Variants in RSPO3 observed in about 807,000 individuals in gnomAD.
RSPO3 encodes R-spondin 3, also known as R-spondin-3.
Under a neutral mutation model 36.5 loss-of-function variants are expected in RSPO3, and 17 were observed. The ratio of observed to expected loss-of-function variants is 0.47; its 90% CI spans 0.32 to 0.70. RSPO3 has a LOEUF of 0.70. Among genes scored for constraint, RSPO3 ranks in the 30% least tolerant of loss-of-function variants. The pLI is 0.04. For synonymous variants in RSPO3, 108 were observed against 107.0 expected (o/e 1.01, Z -0.06); for missense variants, 294 against 322.5 (o/e 0.91, Z 0.68).
intron 1 of RSPO3, among the ~76,000 whole-genome samples, chr6:127,125,665 T>C (rs1283135768): frequency 6.6e-6 from 1 of 152,210 alleles, no homozygotes; most frequent in Non-Finnish European, 1.5e-5. Context: ...TAAGTAAATT[T>C]ATCACATAAA....
intron 4 of RSPO3, among the ~76,000 whole-genome samples, chr6:127,156,976 GA>G (rs1774607634): frequency 1.3e-5 from 2 of 152,114 alleles, no homozygotes; most frequent in African/African-American, 2.4e-5. Context: ...TAGTTAATGT[GA>G]AAAAATTCTT....
intron 4 of RSPO3, among the ~76,000 whole-genome samples, chr6:127,160,132 TGTAG>T (rs1774681371): frequency 6.6e-6 from 1 of 152,152 alleles, no homozygotes; most frequent in Non-Finnish European, 1.5e-5. Flanking sequence ...CCGCCTTTTT[TGTAG>T]GTCGTAAATG....
At chr6:127,159,001 C>T (rs546116192) in intron 4 of RSPO3, among the ~76,000 whole-genome samples, 24 of 152,114 alleles carry the variant, frequency 1.6e-4, no homozygotes, top group Non-Finnish European at 2.8e-4. Flanking sequence ...ATTGAAACAT[C>T]ATATTTAAGT....
chr6:127,150,463 T>C lies in RSPO3; in HGVS notation c.327T>C (p.Asn109=). The change falls in exon 3 of 5, where the codon AAT becomes AAC. Residue 109 remains asparagine (N), a synonymous_variant. Coordinates refer to ENST00000356698, the MANE Select transcript of RSPO3 (RefSeq NM_032784.5). ...KADCDTCFNK[N]FCTKCKSGFY... Reference sequence around the variant, plus strand: ...ACTGTGATACCTGTTTCAACAAAAATTTCTGCACAAAATGTAAAAGTGGAT... The same window carrying C: ...ACTGTGATACCTGTTTCAACAAAAACTTCTGCACAAAATGTAAAAGTGGAT... The C allele has an allele frequency of 6.2e-7, 1 of 1,612,364 alleles. No individual in the cohort carries two copies. Among genetic ancestry groups the C allele is most frequent in the Non-Finnish European group, 8.5e-7 (1 of 1,179,154 alleles).
At position 127,152,527 on chromosome 6, in the gene RSPO3, ATT is replaced by A. The variant is rs572053167; in HGVS notation, c.436+1958_436+1959del. Among the ~76,000 whole-genome samples, 62 of 152,228 alleles carry A rather than the reference ATT, an allele frequency of 4.1e-4. 1 individual carries two copies. The highest frequency in any genetic ancestry group is 6.2e-4 in the Non-Finnish European group (42 of 68,006). On this transcript the variant is annotated intron_variant, in intron 3 of 4. Coordinates refer to ENST00000356698, the MANE Select transcript of RSPO3 (RefSeq NM_032784.5). ...TGATCCCAAAGAAACATTTTAAGTT[ATT>A]TTCAGTGCTGTAATTAGTAGCCTGA...
chr6:127,194,987 T>C (rs1775485461), intron 4 of RSPO3, among the ~76,000 whole-genome samples: 1 of 152,208 alleles, frequency 6.6e-6, no homozygotes, highest in Non-Finnish European at 1.5e-5. Context: ...AACATACAAA[T>C]ATTTATGTTA....
At position 127,174,352 on chromosome 6, in the gene RSPO3, T is replaced by C. The variant is rs183634957; in HGVS notation, c.634+18914T>C. 2.7e-3 allele frequency among the ~76,000 whole-genome samples: 403 copies of C among 152,034 alleles called. 1 individual carries two copies. Among genetic ancestry groups the C allele is most frequent in the Non-Finnish European group, 2.9e-3 (198 of 67,866 alleles). On this transcript the variant is annotated intron_variant, in intron 4 of 4. Coordinates refer to ENST00000356698, the MANE Select transcript of RSPO3 (RefSeq NM_032784.5). ...ATTTGCAAATTCAAGGTTGGCCTAA[T>C]AGAAAAACGAACAAATTTGTGTTTG...
chr6:127,183,248 C>T (rs529432927), intron 4 of RSPO3, among the ~76,000 whole-genome samples: 3 of 152,156 alleles, frequency 2.0e-5, no homozygotes, highest in African/African-American at 4.8e-5. Flanking sequence ...CCAACCTGGA[C>T]TTCCTAATGC....
chr6:127,144,384 A>AT (rs2114573420), intron 1 of RSPO3, among the ~76,000 whole-genome samples: 1 of 152,106 alleles, frequency 6.6e-6, no homozygotes, highest in Admixed American at 6.6e-5. Context: ...TAAACTCACT[A>AT]TTTTTCCAGC....
At chr6:127,152,512 G>A (rs1182862086) in intron 3 of RSPO3, among the ~76,000 whole-genome samples, 5 of 152,090 alleles carry the variant, frequency 3.3e-5, no homozygotes. Context: ...TGATCCCAAA[G>A]AAACATTTTA....
chr6:127,174,329 T>G (rs1294294844), intron 4 of RSPO3, among the ~76,000 whole-genome samples: 4 of 151,872 alleles, frequency 2.6e-5, no homozygotes, highest in African/African-American at 9.7e-5. Context: ...AATTAGAGAT[T>G]TGCAAATTCA....
Position 127,197,598 on chromosome 6 carries a change from CCT to C in RSPO3, c.*1595_*1596del. The C allele has an allele frequency of 2.0e-6, 3 of 1,499,482 alleles. No individual in the cohort carries two copies. Among genetic ancestry groups the C allele is most frequent in the Non-Finnish European group, 2.7e-6 (3 of 1,122,170 alleles). 92.9% of individuals were successfully genotyped at this position (1,499,482 alleles called of 1,614,324 possible). A position where few individuals can be genotyped will look rare whatever the true frequency, so the allele number is the denominator to read the frequency against. On this transcript the variant is annotated 3_prime_UTR_variant, in exon 5 of 5. Transcript: ENST00000356698. The stretch of plus-strand genomic sequence containing the variant: ...TGCTCTGTCCACTGTGATTCCTAGC[CCT>C]CTCAAGATCACTGCTTTCTGAAGAA...
At chr6:127,151,019 C>T (rs1035544729) in intron 3 of RSPO3, among the ~76,000 whole-genome samples, 2 of 151,836 alleles carry the variant, frequency 1.3e-5, no homozygotes, top group Admixed American at 1.3e-4. Flanking sequence ...GGTCTAATCT[C>T]AACTAATGAC....
chr6:127,130,526 C>T (rs1163386356), intron 1 of RSPO3, among the ~76,000 whole-genome samples: 1 of 152,138 alleles, frequency 6.6e-6, no homozygotes, highest in Admixed American at 6.6e-5. Flanking sequence ...TAAACCCTGT[C>T]CTTGTGCACT....
intron 1 of RSPO3, among the ~76,000 whole-genome samples, chr6:127,126,273 A>G (rs1773937957): frequency 6.6e-6 from 1 of 152,126 alleles, no homozygotes; most frequent in Non-Finnish European, 1.5e-5. Flanking sequence ...AGAGTCACTC[A>G]CATAAAAATG....
At chr6:127,181,751 A>G (rs1395975699) in intron 4 of RSPO3, among the ~76,000 whole-genome samples, 1 of 151,854 alleles carries the variant, frequency 6.6e-6, no homozygotes, top group Non-Finnish European at 1.5e-5. Context: ...TCACTCCCCA[A>G]TATTTGAAGT....
intron 1 of RSPO3, 121 bp downstream of exon 1, chr6:127,119,410 A>C: frequency 4.1e-6 from 3 of 730,242 alleles, no homozygotes; most frequent in Non-Finnish European, 4.8e-6. Flanking sequence ...CTCGCAGAGG[A>C]GATGCAGGTT....
intron 4 of RSPO3, among the ~76,000 whole-genome samples, chr6:127,190,472 T>G (rs1279422709): frequency 6.6e-6 from 1 of 152,042 alleles, no homozygotes; most frequent in Non-Finnish European, 1.5e-5. Context: ...AGCTGGAATT[T>G]TCATTCTCTA....
chr6:127,173,828 T>A (rs1774991177), intron 4 of RSPO3, among the ~76,000 whole-genome samples: 1 of 151,868 alleles, frequency 6.6e-6, no homozygotes, highest in Non-Finnish European at 1.5e-5. Context: ...AGACATCTGC[T>A]GAAGGCACGT....
Sources: allele counts gnomAD v4.1 joint callset (sites outside exome capture counted in the v4.1 genomes callset), GRCh38; gene constraint gnomAD v4.1.1; transcripts MANE v1.5; gene names NCBI Gene and HGNC (gene_info 2026-07-23, HGNC 2026-07-21).